KCNQ5: variants seen among roughly 807,000 people sequenced by gnomAD.
The protein encoded by KCNQ5 is potassium voltage-gated channel subfamily Q member 5.
In KCNQ5, 30 loss-of-function variants were observed where a neutral mutation model predicts 98.2. The ratio of observed to expected loss-of-function variants is 0.31; its 90% CI spans 0.23 to 0.41. The LOEUF is 0.41. KCNQ5 is among the 10% of genes least tolerant of loss of function. The probability of loss-of-function intolerance (pLI) is 1.00; values close to 1 mark genes in which losing one functional copy is unlikely to be tolerated. For synonymous variants in KCNQ5, 458 were observed against 449.4 expected, an observed-to-expected ratio of 1.02 and a Z score of -0.24; for missense variants, 835 against 1,182.5, an observed-to-expected ratio of 0.71 and a Z score of 4.31.
rs1356884699 is a variant in KCNQ5, at chr6:73,196,455, A to G, written c.*1041A>G. On this transcript the variant is annotated 3_prime_UTR_variant, in exon 14 of 14. Coordinates refer to ENST00000370398, the MANE Select transcript of KCNQ5 (RefSeq NM_019842.4). ...CCCCTCAAAGGGCAATGAGAGGGAG[A>G]GAAACAAACCAAAATAGAAGAACTA... 6.6e-6 allele frequency: 1 copy of G among 152,242 alleles called. No individual in the cohort carries two copies. Among genetic ancestry groups the G allele is most frequent in the African/African-American group, 2.4e-5 (1 of 41,458 alleles). The allele number at this position is 152,242 out of a possible 1,614,324, so 9.4% of individuals were successfully genotyped here.
At chr6:72,932,577 A>G (rs1226083996) in intron 1 of KCNQ5, among the ~76,000 whole-genome samples, 1 of 152,194 alleles carries the variant, frequency 6.6e-6, no homozygotes, top group African/African-American at 2.4e-5. Flanking sequence ...CAAACTTTAA[A>G]GAGAGTAAGA....
At position 73,025,623 on chromosome 6, in the gene KCNQ5, C is replaced by CAAAAAAAAA. The variant is rs58607159; in HGVS notation, c.490-16285_490-16277dup. On this transcript the variant is annotated intron_variant, in intron 2 of 13. Coordinates refer to ENST00000370398, the MANE Select transcript of KCNQ5 (RefSeq NM_019842.4). ...GGGCGACAAGAGCAAAACTCCATCT[C>CAAAAAAAAA]AAAAAAAAAAAAAAAAAAAAAAAAA... Among the ~76,000 whole-genome samples, 12 of 53,014 alleles carry CAAAAAAAAA rather than the reference C, an allele frequency of 2.3e-4. No individual in the cohort carries two copies. The East Asian group carries it at 3.0e-3, about 13-fold the overall frequency. 34.8% of individuals were successfully genotyped at this position (53,014 alleles called of 152,430 possible).
At chr6:72,676,138 G>C (rs1767393381) in intron 1 of KCNQ5, among the ~76,000 whole-genome samples, 1 of 152,106 alleles carries the variant, frequency 6.6e-6, no homozygotes, top group African/African-American at 2.4e-5. Flanking sequence ...AACCTGACTT[G>C]ATCTACTGCA....
At chr6:72,887,814 A>C (rs1397344254) in intron 1 of KCNQ5, among the ~76,000 whole-genome samples, 1 of 152,208 alleles carries the variant, frequency 6.6e-6, no homozygotes, top group Admixed American at 6.5e-5. Flanking sequence ...AAGAGGAAAA[A>C]AAACCTAATT....
chr6:72,698,434 C>T (rs1190876928), intron 1 of KCNQ5, among the ~76,000 whole-genome samples: 2 of 152,078 alleles, frequency 1.3e-5, no homozygotes, highest in East Asian at 3.9e-4. Context: ...AACTCCCAAC[C>T]TCAGATGATC....
intron 1 of KCNQ5, among the ~76,000 whole-genome samples, chr6:72,706,279 T>A (rs1769075427): frequency 6.6e-6 from 1 of 151,896 alleles, no homozygotes; most frequent in Non-Finnish European, 1.5e-5. Context: ...AATTCTGAAG[T>A]GGAAAGGATG....
intron 1 of KCNQ5, among the ~76,000 whole-genome samples, chr6:72,952,542 G>A (rs1766853759): frequency 6.6e-6 from 1 of 152,046 alleles, no homozygotes; most frequent in South Asian, 2.1e-4. Flanking sequence ...TTTTATAGTG[G>A]TGTAAAATTA....
intron 1 of KCNQ5, among the ~76,000 whole-genome samples, chr6:72,819,062 T>G (rs2150111727): frequency 6.6e-6 from 1 of 152,082 alleles, no homozygotes; most frequent in Non-Finnish European, 1.5e-5. Flanking sequence ...TAAAAGTTAG[T>G]AAGATGTGCA....
chr6:73,092,068 A>G (rs1774274877), intron 5 of KCNQ5, among the ~76,000 whole-genome samples: 1 of 149,700 alleles, frequency 6.7e-6, no homozygotes, highest in African/African-American at 2.5e-5. Flanking sequence ...GTATATTCCT[A>G]AGTTTTGTGG....
chr6:73,100,969 A>G (rs1028118034), intron 5 of KCNQ5, among the ~76,000 whole-genome samples: 4 of 152,170 alleles, frequency 2.6e-5, no homozygotes, highest in Admixed American at 2.6e-4. Flanking sequence ...GACCAATAAC[A>G]AGTAATGAGA....
At chr6:72,788,850 T>C (rs1260208321) in intron 1 of KCNQ5, among the ~76,000 whole-genome samples, 2 of 152,236 alleles carry the variant, frequency 1.3e-5, no homozygotes, top group Admixed American at 6.5e-5. Context: ...CCATGTCTTA[T>C]ATTTTATATC....
chr6:72,640,200 T>A (rs1235599338), intron 1 of KCNQ5, among the ~76,000 whole-genome samples: 1 of 151,912 alleles, frequency 6.6e-6, no homozygotes, highest in Non-Finnish European at 1.5e-5. Context: ...AATGAGAAAT[T>A]TTCTAGAAGT....
chr6:72,726,981 G>T (rs1770316406), intron 1 of KCNQ5, among the ~76,000 whole-genome samples: 1 of 152,160 alleles, frequency 6.6e-6, no homozygotes, highest in African/African-American at 2.4e-5. Flanking sequence ...AAACCACTCA[G>T]ATCACTCTTA....
At chr6:72,831,552 C>T (rs547082527) in intron 1 of KCNQ5, among the ~76,000 whole-genome samples, 15 of 142,686 alleles carry the variant, frequency 1.1e-4, no homozygotes, top group South Asian at 4.4e-4. Flanking sequence ...ACACAGGAAG[C>T]GGAACATCAC....
intron 1 of KCNQ5, among the ~76,000 whole-genome samples, chr6:72,817,966 G>C (rs1775577156): frequency 6.6e-6 from 1 of 151,952 alleles, no homozygotes; most frequent in Non-Finnish European, 1.5e-5. Flanking sequence ...AGGTGTCCAA[G>C]AGCCCCATTA....
At chr6:73,141,030 G>A (rs1033976479) in intron 10 of KCNQ5, among the ~76,000 whole-genome samples, 7 of 152,160 alleles carry the variant, frequency 4.6e-5, no homozygotes, top group Non-Finnish European at 7.4e-5. Flanking sequence ...TTGGATTTCT[G>A]AGAAGAGTTG....
At chr6:72,957,108 A>C (rs1308100294) in intron 1 of KCNQ5, among the ~76,000 whole-genome samples, 1 of 150,948 alleles carries the variant, frequency 6.6e-6, no homozygotes. Context: ...TCTAAGCTTC[A>C]TAATGAGTAA....
At chr6:72,980,774 A>G (rs906516722) in intron 1 of KCNQ5, among the ~76,000 whole-genome samples, 1 of 152,152 alleles carries the variant, frequency 6.6e-6, no homozygotes, top group Non-Finnish European at 1.5e-5. Context: ...AAATGCTTCC[A>G]GTTTTTGCCC....
chr6:72,807,494 G>A (rs1217681766), intron 1 of KCNQ5, among the ~76,000 whole-genome samples: 2 of 152,002 alleles, frequency 1.3e-5, no homozygotes, highest in Non-Finnish European at 2.9e-5. Context: ...GATCTCTCCT[G>A]TCCTGATGAT....
Sources: allele counts gnomAD v4.1 joint callset (sites outside exome capture counted in the v4.1 genomes callset), GRCh38; gene constraint gnomAD v4.1.1; transcripts MANE v1.5; gene names NCBI Gene and HGNC (gene_info 2026-07-23, HGNC 2026-07-21).